The following VPS13B variants were observed in gnomAD, a reference collection of about 807,000 sequenced individuals.
The protein encoded by VPS13B is intermembrane lipid transfer protein VPS13B.
Under a neutral mutation model 426.4 loss-of-function variants are expected in VPS13B, and 285 were observed. The observed-to-expected ratio is 0.67, with a 90% confidence interval of 0.61 to 0.74. The LOEUF is 0.74. Among genes scored for constraint, VPS13B ranks in the 30% least tolerant of loss-of-function variants. The pLI is 0.00. For synonymous variants in VPS13B, 1,676 were observed against 1,676.4 expected, an observed-to-expected ratio of 1.00 and a Z score of 0.01; for missense variants, 4,537 against 4,782.6, an observed-to-expected ratio of 0.95 and a Z score of 1.51.
intron 21 of VPS13B, among the ~76,000 whole-genome samples, chr8:99,404,787 T>C (rs1408291600): frequency 6.6e-6 from 1 of 152,220 alleles, no homozygotes; most frequent in Non-Finnish European, 1.5e-5. Context: ...CCCTACCCCA[T>C]GTTAAGCTAA....
chr8:99,625,126 G>A (rs1265458387), intron 33 of VPS13B, among the ~76,000 whole-genome samples: 2 of 152,142 alleles, frequency 1.3e-5, no homozygotes, highest in Non-Finnish European at 2.9e-5. Flanking sequence ...AAACAGAAAA[G>A]GCTGGGAGGA....
At chr8:99,439,233 A>T (rs1425005896) in intron 22 of VPS13B, among the ~76,000 whole-genome samples, 1 of 152,162 alleles carries the variant, frequency 6.6e-6, no homozygotes, top group Non-Finnish European at 1.5e-5. Flanking sequence ...CTACTTGTTG[A>T]ACAATTATTT....
intron 3 of VPS13B, among the ~76,000 whole-genome samples, chr8:99,056,867 CTAAT>C (rs994196678): frequency 1.3e-5 from 2 of 152,166 alleles, no homozygotes; most frequent in Non-Finnish European, 2.9e-5. Flanking sequence ...GTACGCTTCT[CTAAT>C]TATTTAGATT....
chr8:99,152,860 A>T (rs1308209820), intron 14 of VPS13B, among the ~76,000 whole-genome samples: 1 of 152,078 alleles, frequency 6.6e-6, no homozygotes, highest in Non-Finnish European at 1.5e-5. Flanking sequence ...ATTTTCTTTT[A>T]ATCTACAAGT....
chr8:99,538,243 A>T (rs866817419), intron 30 of VPS13B, among the ~76,000 whole-genome samples: 4 of 152,298 alleles, frequency 2.6e-5, no homozygotes, highest in Middle Eastern at 6.8e-3. Flanking sequence ...ATGAAACAAA[A>T]TGTGATGATT....
chr8:99,666,700 T>C (rs762689347), intron 35 of VPS13B, among the ~76,000 whole-genome samples: 1 of 152,136 alleles, frequency 6.6e-6, no homozygotes, highest in Non-Finnish European at 1.5e-5. Context: ...ACAGCCAATA[T>C]CATACTGAAT....
At chr8:99,083,886 G>A (rs1431380730) in intron 3 of VPS13B, among the ~76,000 whole-genome samples, 6 of 145,296 alleles carry the variant, frequency 4.1e-5, no homozygotes, top group South Asian at 4.6e-4. Flanking sequence ...TTTTTGCATA[G>A]ATGTTCATCA....
chr8:99,463,782 T>C (rs1818956072), intron 23 of VPS13B, among the ~76,000 whole-genome samples: 1 of 152,146 alleles, frequency 6.6e-6, no homozygotes, highest in African/African-American at 2.4e-5. Context: ...AGCCTCCGCC[T>C]CCCGAGTTTA....
chr8:99,018,827 C>T (rs190988285), intron 2 of VPS13B, among the ~76,000 whole-genome samples: 1 of 152,236 alleles, frequency 6.6e-6, no homozygotes, highest in East Asian at 1.9e-4. Flanking sequence ...TCAAATATTA[C>T]ACTTAATGAG....
chr8:99,268,479 G>A (rs771844975), intron 17 of VPS13B, among the ~76,000 whole-genome samples: 1 of 152,224 alleles, frequency 6.6e-6, no homozygotes, highest in Non-Finnish European at 1.5e-5. Flanking sequence ...GCAACAGTGT[G>A]ATCTGGATAT....
At chr8:99,106,169 C>T (rs902103521) in intron 5 of VPS13B, among the ~76,000 whole-genome samples, 4 of 151,774 alleles carry the variant, frequency 2.6e-5, no homozygotes, top group South Asian at 2.1e-4. Flanking sequence ...TGGTGGCTCA[C>T]GCCTGTAATC....
chr8:99,062,361 A>G (rs1408985578), intron 3 of VPS13B, among the ~76,000 whole-genome samples: 1 of 152,260 alleles, frequency 6.6e-6, no homozygotes, highest in East Asian at 1.9e-4. Flanking sequence ...ATAAGAGATT[A>G]GATATGCCTT....
Position 99,829,457 on chromosome 8 carries a change from ATTC to A in VPS13B, c.9331-2907_9331-2905del, listed in dbSNP as rs1446819713. On this transcript the variant is annotated intron_variant, in intron 51 of 61. Coordinates refer to ENST00000357162, the MANE Select transcript of VPS13B (RefSeq NM_152564.5). Reference sequence around the variant, plus strand: ...TTTTCAGCTCCATCAGGTCATTTATATTCTTCTCTACACTGGTTATCCTAGTTA... The same window carrying A: ...TTTTCAGCTCCATCAGGTCATTTATATTCTCTACACTGGTTATCCTAGTTA... Among the ~76,000 whole-genome samples, 10 of 152,228 alleles carry A rather than the reference ATTC, an allele frequency of 6.6e-5. No individual in the cohort carries two copies. The East Asian group carries it at 1.9e-3, about 29-fold the overall frequency.
intron 33 of VPS13B, among the ~76,000 whole-genome samples, chr8:99,597,662 A>C (rs1435517727): frequency 6.6e-6 from 1 of 152,050 alleles, no homozygotes; most frequent in Admixed American, 6.6e-5. Context: ...GAGAAAACAC[A>C]GTAAGGATAA....
At chr8:99,318,071 T>C (rs1809769488) in intron 19 of VPS13B, among the ~76,000 whole-genome samples, 1 of 152,210 alleles carries the variant, frequency 6.6e-6, no homozygotes, top group South Asian at 2.1e-4. Flanking sequence ...AACTCAGATA[T>C]TAAGTTTATG....
intron 36 of VPS13B, among the ~76,000 whole-genome samples, chr8:99,715,130 G>T (rs943080221): frequency 6.6e-6 from 1 of 151,222 alleles, no homozygotes; most frequent in Non-Finnish European, 1.5e-5. Flanking sequence ...TGGAATAGAT[G>T]ATTTCTAGAT....
intron 19 of VPS13B, 48 bp from the exon 20 acceptor site, chr8:99,384,160 T>C: frequency 6.9e-7 from 1 of 1,457,030 alleles, no homozygotes; most frequent in South Asian, 1.1e-5. Context: ...AATAGCTTAT[T>C]GTTTTTTATG....
intron 2 of VPS13B, among the ~76,000 whole-genome samples, chr8:99,016,782 G>A (rs1406946296): frequency 6.6e-6 from 1 of 151,732 alleles, no homozygotes; most frequent in Non-Finnish European, 1.5e-5. Flanking sequence ...AATGGAGACA[G>A]GGTTTCACCA....
chr8:99,442,740 T>C (rs1057133389), intron 23 of VPS13B, 105 bp downstream of exon 23: 3 of 1,201,170 alleles, frequency 2.5e-6, no homozygotes, highest in South Asian at 1.4e-5. Context: ...AGTCTTCTCA[T>C]TGAAAGATTT....
Sources: allele counts gnomAD v4.1 joint callset (sites outside exome capture counted in the v4.1 genomes callset), GRCh38; gene constraint gnomAD v4.1.1; transcripts MANE v1.5; gene names NCBI Gene and HGNC (gene_info 2026-07-23, HGNC 2026-07-21).